Variants in F8 observed in about 807,000 individuals in gnomAD.
F8 encodes the protein antihemophilic factor.
A neutral mutation model predicts 140.6 loss-of-function variants in F8; 12 were observed. That is an observed-to-expected ratio of 0.09 (90% CI 0.05 to 0.14). The LOEUF is 0.14. Ranked by LOEUF, F8 falls within the 10% of genes least tolerant of loss-of-function variation. F8 has a pLI of 1.00. For synonymous variants in F8, 585 were observed against 614.6 expected, an observed-to-expected ratio of 0.95 and a Z score of 0.71; for missense variants, 1,354 against 1,720.7, an observed-to-expected ratio of 0.79 and a Z score of 3.77.
Position 154,957,176 on chromosome X carries a change from C to G in F8, c.1538-5G>C. ...AATCCTTCAAATGTTTTACACCTAC[C>G]CACAAGCAAAACCATAAATAGCTCA... On this transcript the variant is annotated splice_polypyrimidine_tract_variant and splice_region_variant and intron_variant, in intron 10 of 25. Coordinates refer to ENST00000360256, the MANE Select transcript of F8 (RefSeq NM_000132.4). The G allele has an allele frequency of 8.4e-7, 1 of 1,184,747 alleles. No homozygotes were observed. Among genetic ancestry groups the G allele is most frequent in the East Asian group, 3.0e-5 (1 of 33,753 alleles).
Position 154,957,251 on chromosome X carries a change from G to A in F8, c.1538-80C>T, listed in dbSNP as rs1004560244. 106 of 789,605 alleles carry A rather than the reference G, an allele frequency of 1.3e-4. No individual in the cohort carries two copies. The African/African-American group carries it at 2.1e-3, about 16-fold the overall frequency. 65.1% of individuals were successfully genotyped at this position (789,605 alleles called of 1,213,427 possible). Reference sequence around the variant, plus strand: ...TGATAATCATGTTGTTGTTGCAAGGGTTCTACAAATCTGTATGTACATATG... The same window carrying A: ...TGATAATCATGTTGTTGTTGCAAGGATTCTACAAATCTGTATGTACATATG... On this transcript the variant is annotated intron_variant, in intron 10 of 25. Transcript: ENST00000360256.
At chrX:154,907,974 T>TA (rs781954980) in intron 14 of F8, among the ~76,000 whole-genome samples, 1,128 of 110,681 alleles carry the variant, frequency 0.01, 15 homozygotes, top group African/African-American at 0.035. Flanking sequence ...GTGGAATTTA[T>TA]AAAAAAAAAC....
intron 22 of F8, among the ~76,000 whole-genome samples, chrX:154,894,528 G>A (rs113385907): frequency 0.016 from 1,734 of 110,866 alleles, 14 homozygotes; most frequent in Middle Eastern, 0.037. Flanking sequence ...AGACCAGCCT[G>A]GTCAACATGG....
At position 154,987,309 on chromosome X, in the gene F8, A is replaced by C; in HGVS notation, c.602-4T>G. 1 of 1,201,894 alleles carries C rather than the reference A, an allele frequency of 8.3e-7. No individual in the cohort carries two copies. The highest frequency in any genetic ancestry group is 1.1e-6 in the Non-Finnish European group (1 of 886,693). On this transcript the variant is annotated splice_region_variant and splice_polypyrimidine_tract_variant and intron_variant, in intron 4 of 25. Coordinates refer to ENST00000360256, the MANE Select transcript of F8 (RefSeq NM_000132.4). ...GTCTTTTCCTTGGCCAGACTCCCTG[A>C]AAAAGAAGTGAGAACATTTATCTTC...
chrX:154,877,223 T>C (rs28539330), intron 22 of F8, among the ~76,000 whole-genome samples: 1,389 of 111,752 alleles, frequency 0.012, 24 homozygotes, highest in African/African-American at 0.043. Context: ...GCAAGAGGGA[T>C]TTAAGGTTGC....
Position 154,993,158 on chromosome X carries a change from G to C in F8, c.389-10C>G. 1 of 1,196,991 alleles carries C rather than the reference G, an allele frequency of 8.4e-7. No homozygotes were observed. The highest frequency in any genetic ancestry group is 1.1e-6 in the Non-Finnish European group (1 of 882,569). On this transcript the variant is annotated splice_polypyrimidine_tract_variant and intron_variant, in intron 3 of 25. Transcript: ENST00000360256. ...TCATCATATTCAGCTCCTATAGCAG[G>C]AAGAAATAAAATTGTCCTTTCTATA... is the stretch of plus-strand genomic sequence containing the variant.
At chrX:154,867,690 C>CAAAAAAA (rs373471645) in intron 22 of F8, among the ~76,000 whole-genome samples, 7 of 41,821 alleles carry the variant, frequency 1.7e-4, no homozygotes, top group Admixed American at 6.2e-4. Flanking sequence ...GACTCTGTCT[C>CAAAAAAA]AAAAAAAAAA....
intron 21 of F8, chrX:154,897,602 A>C (rs1476114982): frequency 8.9e-6 from 1 of 112,387 alleles, no homozygotes; most frequent in Non-Finnish European, 1.9e-5. Flanking sequence ...TCCCAGATAG[A>C]TGGTATTCCC....
intron 25 of F8, among the ~76,000 whole-genome samples, chrX:154,856,729 T>C (rs782593194): frequency 8.9e-6 from 1 of 112,167 alleles, no homozygotes; most frequent in East Asian, 2.8e-4. Context: ...CTGCCAAGAA[T>C]ACTGCCACTC....
intron 20 of F8, among the ~76,000 whole-genome samples, chrX:154,900,349 T>C (rs28370240): frequency 1.3e-3 from 149 of 110,891 alleles, no homozygotes; most frequent in Admixed American, 4.0e-3. Context: ...TTCTCCTGCC[T>C]CAGTCTCCTA....
chrX:154,851,579 T>C (rs1028869988), intron 25 of F8, among the ~76,000 whole-genome samples: 2 of 107,790 alleles, frequency 1.9e-5, no homozygotes, highest in East Asian at 2.9e-4. Flanking sequence ...TTTGTTTTTG[T>C]TTTTTTTTTA....
chrX:154,876,208 C>T (rs2072812874), intron 22 of F8, among the ~76,000 whole-genome samples: 2 of 106,722 alleles, frequency 1.9e-5, no homozygotes, highest in Non-Finnish European at 3.9e-5. Context: ...CAAGCTCCGC[C>T]TCCCGGGTTC....
At chrX:154,906,768 G>A (rs900392036) in intron 14 of F8, among the ~76,000 whole-genome samples, 195 bp from the exon 15 acceptor site, 3 of 112,078 alleles carry the variant, frequency 2.7e-5, no homozygotes, top group Non-Finnish European at 3.8e-5. Context: ...TTTGTTCCCT[G>A]TTGTATTCCC....
intron 14 of F8, among the ~76,000 whole-genome samples, chrX:154,911,505 G>A (rs1382609738): frequency 9.0e-6 from 1 of 111,266 alleles, no homozygotes; most frequent in Non-Finnish European, 1.9e-5. Context: ...TGACATCCAG[G>A]CTCATCGATG....
intron 7 of F8, among the ~76,000 whole-genome samples, chrX:154,968,082 C>T: frequency 8.9e-6 from 1 of 111,809 alleles, no homozygotes; most frequent in East Asian, 2.8e-4. Context: ...TCCAATAACT[C>T]TTGCTATGGT....
At chrX:155,007,186 A>G (rs1363977232) in intron 1 of F8, among the ~76,000 whole-genome samples, 1 of 112,653 alleles carries the variant, frequency 8.9e-6, no homozygotes, top group Non-Finnish European at 1.9e-5. Context: ...GACACAAACT[A>G]GAAAAATCTC....
chrX:154,948,472 C>T (rs1557280496), intron 12 of F8, among the ~76,000 whole-genome samples: 1 of 111,933 alleles, frequency 8.9e-6, no homozygotes, highest in Non-Finnish European at 1.9e-5. Context: ...GATGTGATGT[C>T]TGCAACTAAT....
chrX:154,912,464 T>C (rs922488734), intron 14 of F8, among the ~76,000 whole-genome samples: 1 of 112,603 alleles, frequency 8.9e-6, no homozygotes, highest in South Asian at 3.7e-4. Flanking sequence ...AGACTATTCT[T>C]TCACCAATGC....
Position 154,906,494 on chromosome X carries a change from A to G in F8, c.5299T>C (p.Tyr1767His), listed in dbSNP as rs781791811. ...FTDGSFTQPL[Y>H]RGELNEHLGL... ...AAATGTTCATTTAGTTCTCCACGGT[A>G]TAAGGGCTGAGTAAAGGAGCCATCA... The change falls in exon 15 of 26, where the codon TAC (tyrosine) becomes CAC (histidine). Residue 1767 changes from tyrosine (Y) to histidine (H), a missense_variant. Physicochemically the swap from Tyr to His is moderately conservative, Grantham distance 83. Coordinates refer to ENST00000360256, the MANE Select transcript of F8 (RefSeq NM_000132.4). The G allele has an allele frequency of 1.8e-5, 22 of 1,208,350 alleles. No individual in the cohort carries two copies. The Middle Eastern group carries it at 1.4e-3, about 75-fold the overall frequency.
Sources: gnomAD v4.1 joint callset for allele counts (sites outside exome capture counted in the v4.1 genomes callset) on GRCh38, gnomAD v4.1.1 for gene constraint, MANE v1.5 for transcripts, NCBI Gene and HGNC (gene_info 2026-07-23, HGNC 2026-07-21) for gene names.